The following KALRN variants were observed in gnomAD, a reference collection of about 807,000 sequenced individuals.
The protein encoded by KALRN is kalirin RhoGEF kinase, also known as kalirin.
A neutral mutation model predicts 353.7 loss-of-function variants in KALRN; 70 were observed. The ratio of observed to expected loss-of-function variants is 0.20; its 90% CI spans 0.16 to 0.24. The LOEUF (loss-of-function observed/expected upper bound fraction) is 0.24. KALRN is among the 10% of genes least tolerant of loss of function. The pLI is 1.00. For missense variants in KALRN, 2,791 were observed against 3,756.7 expected, an observed-to-expected ratio of 0.74 and a Z score of 6.72; for synonymous variants, 1,391 against 1,434.8, an observed-to-expected ratio of 0.97 and a Z score of 0.69.
At chr3:124,058,969 A>G (rs1249409616) in intron 1 of KALRN, among the ~76,000 whole-genome samples, 2 of 152,228 alleles carry the variant, frequency 1.3e-5, no homozygotes, top group African/African-American at 2.4e-5. Flanking sequence ...GTTAGTTTAC[A>G]CTTGTCTGAG....
At chr3:124,350,193 A>C (rs965516583) in intron 10 of KALRN, among the ~76,000 whole-genome samples, 10 of 152,212 alleles carry the variant, frequency 6.6e-5, no homozygotes, top group African/African-American at 2.4e-4. Flanking sequence ...ACCCATGGCC[A>C]TCCCAGTCCC....
chr3:124,404,042 C>T (rs1214800074), intron 13 of KALRN, among the ~76,000 whole-genome samples: 1 of 150,914 alleles, frequency 6.6e-6, no homozygotes, highest in East Asian at 2.0e-4. Context: ...CTCCAGAGCC[C>T]AGAAAGGGGC....
chr3:124,532,529 G>T (rs1475613812), intron 33 of KALRN, among the ~76,000 whole-genome samples: 1 of 152,132 alleles, frequency 6.6e-6, no homozygotes, highest in African/African-American at 2.4e-5. Flanking sequence ...TCCTAGGCTG[G>T]GCATGGTGGC....
intron 38 of KALRN, among the ~76,000 whole-genome samples, chr3:124,654,644 T>C (rs546448204): frequency 6.6e-6 from 1 of 152,112 alleles, no homozygotes; most frequent in South Asian, 2.1e-4. Context: ...TGTTTGGGTT[T>C]GAGGCTTCAA....
chr3:124,101,163 T>C (rs560859066), intron 1 of KALRN, among the ~76,000 whole-genome samples: 4 of 152,326 alleles, frequency 2.6e-5, no homozygotes, highest in South Asian at 2.1e-4. Context: ...ACCTTGACTT[T>C]CCTTCATATT....
chr3:124,585,483 C>T (rs973629787), intron 34 of KALRN, among the ~76,000 whole-genome samples: 1 of 152,164 alleles, frequency 6.6e-6, no homozygotes, highest in Non-Finnish European at 1.5e-5. Flanking sequence ...CATTAATTAA[C>T]AACTCTCTCT....
Position 124,533,468 on chromosome 3 carries a change from C to T in KALRN, c.4936-29375C>T, listed in dbSNP as rs2068233958. Among the ~76,000 whole-genome samples the T allele has an allele frequency of 2.6e-5, 4 of 152,010 alleles. No individual in the cohort carries two copies. In the South Asian group the frequency reaches 8.3e-4, roughly 32 times the overall value. ...ACCAACCTGGGCAACATGGCAAAAC[C>T]CCATCTCTACTAAAAAATACAAAAA... On this transcript the variant is annotated intron_variant, in intron 33 of 59. Transcript: ENST00000682506.
At chr3:124,314,743 A>G (rs560312282) in intron 6 of KALRN, among the ~76,000 whole-genome samples, 8 of 152,248 alleles carry the variant, frequency 5.3e-5, no homozygotes, top group Non-Finnish European at 1.0e-4. Context: ...TGCAGCCTCA[A>G]CCTCCAGGGC....
chr3:124,194,794 G>T (rs1257120584), intron 1 of KALRN, among the ~76,000 whole-genome samples: 6 of 152,044 alleles, frequency 3.9e-5, no homozygotes, highest in Non-Finnish European at 5.9e-5. Flanking sequence ...GATCCGTGTG[G>T]TTTCTCAGAT....
intron 26 of KALRN, among the ~76,000 whole-genome samples, chr3:124,475,690 T>C (rs529590583): frequency 6.6e-6 from 1 of 152,280 alleles, no homozygotes; most frequent in South Asian, 2.1e-4. Context: ...AAATTTCAGA[T>C]AAGATAGGAG....
At chr3:124,162,339 G>A (rs1201658554) in intron 1 of KALRN, 2 of 152,180 alleles carry the variant, frequency 1.3e-5, no homozygotes, top group East Asian at 3.8e-4. Flanking sequence ...AGGCAGGAGT[G>A]AGAGCCAGTG....
intron 47 of KALRN, among the ~76,000 whole-genome samples, chr3:124,667,690 A>G (rs1037898024): frequency 6.6e-6 from 1 of 152,216 alleles, no homozygotes; most frequent in East Asian, 1.9e-4. Flanking sequence ...GATGATTGCT[A>G]ACTTTAAATT....
chr3:124,371,949 C>T (rs116790055), intron 10 of KALRN, among the ~76,000 whole-genome samples: 1 of 152,040 alleles, frequency 6.6e-6, no homozygotes, highest in African/African-American at 2.4e-5. Context: ...TCCCTACTAC[C>T]CTTCCCAGCT....
intron 34 of KALRN, among the ~76,000 whole-genome samples, chr3:124,614,321 G>A (rs1223421324): frequency 3.3e-5 from 5 of 150,496 alleles, no homozygotes; most frequent in Non-Finnish European, 5.9e-5. Context: ...TTGGCTGGAG[G>A]GCAGTGGCTC....
intron 33 of KALRN, among the ~76,000 whole-genome samples, chr3:124,524,657 A>T (rs1330031717): frequency 6.6e-6 from 1 of 152,236 alleles, no homozygotes. Context: ...GAGCTGAATC[A>T]GTATTAGAGA....
chr3:124,204,060 A>G (rs2076193088), intron 1 of KALRN, among the ~76,000 whole-genome samples: 1 of 152,194 alleles, frequency 6.6e-6, no homozygotes, highest in African/African-American at 2.4e-5. Flanking sequence ...ACTTCTGTGT[A>G]TACTGAAGGG....
At chr3:124,521,438 C>G (rs2067152682) in intron 33 of KALRN, among the ~76,000 whole-genome samples, 1 of 152,072 alleles carries the variant, frequency 6.6e-6, no homozygotes, top group Admixed American at 6.5e-5. Context: ...GCAATTTGCC[C>G]AAGACCATGT....
At chr3:124,556,496 T>C (rs1229869342) in intron 33 of KALRN, among the ~76,000 whole-genome samples, 1 of 152,186 alleles carries the variant, frequency 6.6e-6, no homozygotes, top group African/African-American at 2.4e-5. Flanking sequence ...AGTTTTATAG[T>C]AGGGCGAGGA....
At chr3:124,069,856 G>A (rs1249926803) in intron 1 of KALRN, among the ~76,000 whole-genome samples, 1 of 152,122 alleles carries the variant, frequency 6.6e-6, no homozygotes, top group African/African-American at 2.4e-5. Flanking sequence ...ACCTAGGCCT[G>A]GAAGGATGAA....
Sources: gnomAD v4.1 joint callset for allele counts (sites outside exome capture counted in the v4.1 genomes callset) on GRCh38, gnomAD v4.1.1 for gene constraint, MANE v1.5 for transcripts, NCBI Gene and HGNC (gene_info 2026-07-23, HGNC 2026-07-21) for gene names.